RFX3: variants seen among roughly 807,000 people sequenced by gnomAD.
RFX3 encodes transcription factor RFX3.
In RFX3, 14 loss-of-function variants were observed where a neutral mutation model predicts 98.6. The observed-to-expected ratio is 0.14, with a 90% CI of 0.09 to 0.22. The LOEUF is 0.22. RFX3 is among the 10% of genes least tolerant of loss of function. The pLI is 1.00. For missense variants in RFX3, 639 were observed against 926.9 expected (o/e 0.69, Z 4.03); for synonymous variants, 383 against 328.4 (o/e 1.17, Z -1.80).
intron 2 of RFX3, among the ~76,000 whole-genome samples, chr9:3,356,963 GCACACACACGCACA>G (rs957549490): frequency 7.1e-6 from 1 of 140,846 alleles, no homozygotes; most frequent in Non-Finnish European, 1.5e-5. Context: ...ATACACACAT[GCACACACACGCACA>G]CACACACACA....
intron 4 of RFX3, among the ~76,000 whole-genome samples, chr9:3,324,348 G>A (rs1357717893): frequency 6.6e-6 from 1 of 151,818 alleles, no homozygotes; most frequent in African/African-American, 2.4e-5. Flanking sequence ...TTAAACAGAA[G>A]CGTTCATCTC....
intron 4 of RFX3, among the ~76,000 whole-genome samples, chr9:3,317,650 A>G (rs1212309303): frequency 6.6e-6 from 1 of 152,234 alleles, no homozygotes; most frequent in Non-Finnish European, 1.5e-5. Context: ...CAGAATCTAC[A>G]AAGAACTTAA....
chr9:3,420,948 C>G, intron 1 of RFX3: 1 of 979,834 alleles, frequency 1.0e-6, no homozygotes, highest in Non-Finnish European at 1.2e-6. Flanking sequence ...AGTTCTGTGG[C>G]TACAACAGAA....
intron 1 of RFX3, among the ~76,000 whole-genome samples, chr9:3,486,782 C>T (rs1243920787): frequency 6.6e-6 from 1 of 152,182 alleles, no homozygotes; most frequent in Non-Finnish European, 1.5e-5. Context: ...GTGTGATTAA[C>T]TTCTAACCCT....
intron 1 of RFX3, among the ~76,000 whole-genome samples, chr9:3,410,713 C>G (rs540355902): frequency 1.3e-5 from 2 of 152,324 alleles, no homozygotes; most frequent in East Asian, 3.9e-4. Context: ...AAGCTTTCCA[C>G]AACATGTACT....
At chr9:3,473,672 T>C (rs1275502933) in intron 1 of RFX3, among the ~76,000 whole-genome samples, 1 of 152,190 alleles carries the variant, frequency 6.6e-6, no homozygotes, top group Admixed American at 6.5e-5. Flanking sequence ...TCAACACTTC[T>C]GCTCCCAACT....
chr9:3,488,078 TC>T (rs1302785508), intron 1 of RFX3, among the ~76,000 whole-genome samples: 3 of 152,160 alleles, frequency 2.0e-5, no homozygotes, highest in African/African-American at 7.2e-5. Context: ...GTGCTTCTTT[TC>T]CTACCACTCC....
intron 11 of RFX3, among the ~76,000 whole-genome samples, chr9:3,269,339 A>G (rs1349153467): frequency 6.6e-6 from 1 of 152,098 alleles, no homozygotes; most frequent in Non-Finnish European, 1.5e-5. Context: ...ACAAATGTTA[A>G]TATCTTCCCC....
intron 2 of RFX3, among the ~76,000 whole-genome samples, chr9:3,389,739 T>TA (rs1035863629): frequency 1.3e-5 from 2 of 152,052 alleles, no homozygotes; most frequent in South Asian, 4.2e-4. Context: ...AAGGTATATA[T>TA]AAAAAAACAT....
chr9:3,358,412 G>T (rs555118433), intron 2 of RFX3, among the ~76,000 whole-genome samples: 1 of 152,084 alleles, frequency 6.6e-6, no homozygotes, highest in Non-Finnish European at 1.5e-5. Flanking sequence ...TATAATTAAA[G>T]TAGAAATGAA....
At chr9:3,304,232 T>C (rs1383318316) in intron 4 of RFX3, among the ~76,000 whole-genome samples, 1 of 152,006 alleles carries the variant, frequency 6.6e-6, no homozygotes. Context: ...TTAACATGTA[T>C]TTATTATATT....
chr9:3,457,139 CAA>C (rs1169959832), intron 1 of RFX3, among the ~76,000 whole-genome samples: 601 of 22,574 alleles, frequency 0.027, 1 homozygote, highest in African/African-American at 0.1. Flanking sequence ...GACTCCATCT[CAA>C]AAAAAAAAAA....
chr9:3,423,786 T>A (rs1843670932), intron 1 of RFX3, among the ~76,000 whole-genome samples: 1 of 118,284 alleles, frequency 8.5e-6, no homozygotes, highest in Non-Finnish European at 1.6e-5. Flanking sequence ...TTCATATATA[T>A]ATATATATAT....
At chr9:3,486,326 C>A (rs1190619529) in intron 1 of RFX3, among the ~76,000 whole-genome samples, 1 of 152,006 alleles carries the variant, frequency 6.6e-6, no homozygotes, top group Non-Finnish European at 1.5e-5. Flanking sequence ...GCTTTCAAGG[C>A]AACAAGTTAC....
chr9:3,374,363 A>G (rs912807633), intron 2 of RFX3, among the ~76,000 whole-genome samples: 1 of 152,174 alleles, frequency 6.6e-6, no homozygotes, highest in African/African-American at 2.4e-5. Flanking sequence ...CCTAAAAGAG[A>G]TATTTGTACA....
Position 3,264,498 on chromosome 9 carries a change from C to G in RFX3, c.1456-1414G>C, listed in dbSNP as rs546741512. On this transcript the variant is annotated intron_variant, in intron 12 of 16. Transcript: ENST00000617270. Reference sequence around the variant, plus strand: ...AGCTCATACGTCCTCAAAAAAGAACCTTATTCCATTTTTGTGGTTTACATT... The same window carrying G: ...AGCTCATACGTCCTCAAAAAAGAACGTTATTCCATTTTTGTGGTTTACATT... Among the ~76,000 whole-genome samples the G allele has an allele frequency of 4.6e-5, 7 of 152,200 alleles. No homozygotes were observed. In the East Asian group the frequency reaches 7.7e-4, roughly 17 times the overall value.
chr9:3,319,422 C>T (rs529961898), intron 4 of RFX3, among the ~76,000 whole-genome samples: 2 of 151,846 alleles, frequency 1.3e-5, no homozygotes, highest in Admixed American at 6.6e-5. Flanking sequence ...AGGTAGGTAA[C>T]GGACATTCCC....
At chr9:3,507,468 A>G (rs997387344) in intron 1 of RFX3, among the ~76,000 whole-genome samples, 4 of 151,868 alleles carry the variant, frequency 2.6e-5, no homozygotes, top group Non-Finnish European at 5.9e-5. Context: ...TATTAATCCT[A>G]TTTCACAGAA....
chr9:3,491,417 A>T (rs1850709458), intron 1 of RFX3, among the ~76,000 whole-genome samples: 2 of 152,162 alleles, frequency 1.3e-5, no homozygotes. Flanking sequence ...ATGAGGCCTT[A>T]TATGTTATTA....
Sources: gnomAD v4.1 joint callset for allele counts (sites outside exome capture counted in the v4.1 genomes callset) on GRCh38, gnomAD v4.1.1 for gene constraint, MANE v1.5 for transcripts, NCBI Gene and HGNC (gene_info 2026-07-23, HGNC 2026-07-21) for gene names.